CNTNAP5: variants seen among roughly 807,000 people sequenced by gnomAD.
The protein encoded by CNTNAP5 is contactin associated protein family member 5, also known as contactin-associated protein-like 5.
In CNTNAP5, 72 loss-of-function variants were observed where a neutral mutation model predicts 150.2. The ratio of observed to expected loss-of-function variants is 0.48; its 90% CI spans 0.40 to 0.58. The LOEUF (loss-of-function observed/expected upper bound fraction) is 0.58, where lower values mean the gene tolerates loss of function less well. Among genes scored for constraint, CNTNAP5 ranks in the 20% least tolerant of loss-of-function variants. The pLI, the probability that CNTNAP5 is intolerant of heterozygous loss-of-function variation, is 0.00. For missense variants in CNTNAP5, 1,636 were observed against 1,626.2 expected (o/e 1.01, Z -0.10); for synonymous variants, 672 against 619.8 (o/e 1.08, Z -1.25).
At chr2:124,296,384 C>A (rs1181090151) in intron 3 of CNTNAP5, among the ~76,000 whole-genome samples, 3 of 152,180 alleles carry the variant, frequency 2.0e-5, no homozygotes, top group African/African-American at 4.8e-5. Context: ...CCGCAAATGG[C>A]CCACAGCACA....
At chr2:124,670,803 C>G (rs183079398) in intron 13 of CNTNAP5, among the ~76,000 whole-genome samples, 2 of 152,290 alleles carry the variant, frequency 1.3e-5, no homozygotes, top group South Asian at 2.1e-4. Context: ...TCTTAGCAAG[C>G]TTTATTTCTG....
chr2:124,610,013 A>G, intron 12 of CNTNAP5, 93 bp downstream of exon 12: 1 of 1,404,048 alleles, frequency 7.1e-7, no homozygotes, highest in South Asian at 1.5e-5. Context: ...CTACGTGAAT[A>G]AAAATTTGAA....
chr2:124,912,779 A>AC lies in CNTNAP5; in HGVS notation c.3727+1246dup, dbSNP rs1247681205. 2.0e-5 allele frequency among the ~76,000 whole-genome samples: 3 copies of AC among 151,810 alleles called. No homozygotes were observed. The South Asian group carries it at 6.2e-4, about 32-fold the overall frequency. ...TCTTTAAGGACAGGGAAGTCATCTGACCCCCTAGGAAAATTCCTGGAGGCT... is the reference window on the plus strand; with the variant it reads ...TCTTTAAGGACAGGGAAGTCATCTGACCCCCCTAGGAAAATTCCTGGAGGCT... On this transcript the variant is annotated intron_variant, in intron 23 of 23. Coordinates refer to ENST00000682447, the MANE Select transcript of CNTNAP5 (RefSeq NM_001367498.1).
At chr2:124,271,693 CTATCTATCATCTATCT>C (rs1687761083) in intron 3 of CNTNAP5, among the ~76,000 whole-genome samples, 1 of 117,258 alleles carries the variant, frequency 8.5e-6, no homozygotes, top group Middle Eastern at 4.3e-3. Flanking sequence ...ATCTATCTAT[CTATCTATCATCTATCT>C]ATCTATCTAT....
chr2:124,346,823 C>A (rs915270533), intron 3 of CNTNAP5, among the ~76,000 whole-genome samples: 1 of 150,404 alleles, frequency 6.6e-6, no homozygotes, highest in Non-Finnish European at 1.5e-5. Context: ...GTAATCCCAG[C>A]ACTTTGTGAG....
intron 17 of CNTNAP5, among the ~76,000 whole-genome samples, chr2:124,780,950 C>A (rs1337475217): frequency 4.6e-5 from 7 of 152,164 alleles, no homozygotes; most frequent in African/African-American, 1.7e-4. Context: ...TCTTCATTCT[C>A]CCAGGGATCA....
chr2:124,499,303 C>T (rs1176566965), intron 7 of CNTNAP5, among the ~76,000 whole-genome samples: 1 of 152,130 alleles, frequency 6.6e-6, no homozygotes, highest in African/African-American at 2.4e-5. Context: ...CTAATTATTA[C>T]AAGGCAGTAT....
chr2:124,658,123 T>G (rs889441666), intron 13 of CNTNAP5, among the ~76,000 whole-genome samples: 2 of 152,190 alleles, frequency 1.3e-5, no homozygotes, highest in Non-Finnish European at 2.9e-5. Flanking sequence ...CAGTAGTAAG[T>G]ATCACCAGTA....
At chr2:124,461,254 A>G (rs970714413) in intron 6 of CNTNAP5, among the ~76,000 whole-genome samples, 2 of 152,108 alleles carry the variant, frequency 1.3e-5, no homozygotes, top group Non-Finnish European at 1.5e-5. Context: ...ACTATTCACA[A>G]TAGCAAAGAC....
intron 3 of CNTNAP5, among the ~76,000 whole-genome samples, chr2:124,353,006 G>A (rs982605636): frequency 3.3e-5 from 5 of 152,156 alleles, no homozygotes; most frequent in Admixed American, 3.3e-4. Context: ...AGATCTCAAA[G>A]AGAAAACAAT....
At chr2:124,511,808 T>G (rs1694597548) in intron 8 of CNTNAP5, among the ~76,000 whole-genome samples, 1 of 152,278 alleles carries the variant, frequency 6.6e-6, no homozygotes, top group East Asian at 1.9e-4. Context: ...AAAAGTAAAC[T>G]TAGCCTATTT....
chr2:124,564,231 C>T (rs1424403949), intron 11 of CNTNAP5, among the ~76,000 whole-genome samples: 1 of 151,954 alleles, frequency 6.6e-6, no homozygotes, highest in Non-Finnish European at 1.5e-5. Flanking sequence ...CTGGAGGGTG[C>T]TGAAGGTGAG....
intron 8 of CNTNAP5, among the ~76,000 whole-genome samples, chr2:124,512,678 A>AATTCC (rs1376656318): frequency 6.6e-6 from 1 of 152,190 alleles, no homozygotes; most frequent in African/African-American, 2.4e-5. Context: ...CTCTTTCGAT[A>AATTCC]ATTCCTTGAA....
intron 11 of CNTNAP5, among the ~76,000 whole-genome samples, chr2:124,600,762 AG>A (rs1696968972): frequency 1.8e-5 from 2 of 113,814 alleles, no homozygotes; most frequent in Non-Finnish European, 4.0e-5. Flanking sequence ...AGAGAGAGAG[AG>A]AGAGAAAGAG....
intron 19 of CNTNAP5, among the ~76,000 whole-genome samples, chr2:124,804,522 A>G (rs1682040788): frequency 6.6e-6 from 1 of 152,170 alleles, no homozygotes; most frequent in Non-Finnish European, 1.5e-5. Flanking sequence ...GTAACAGGGT[A>G]ATTAGGTTAA....
intron 3 of CNTNAP5, among the ~76,000 whole-genome samples, chr2:124,322,448 C>T (rs1689123987): frequency 1.3e-5 from 2 of 151,842 alleles, no homozygotes; most frequent in Admixed American, 6.6e-5. Context: ...CTCAAGTTAA[C>T]CTAAGAAATT....
At chr2:124,884,006 C>T (rs974649409) in intron 21 of CNTNAP5, among the ~76,000 whole-genome samples, 2 of 151,992 alleles carry the variant, frequency 1.3e-5, no homozygotes, top group Admixed American at 6.6e-5. Flanking sequence ...CATGCATGCC[C>T]ATGCACGTGC....
At chr2:124,372,367 T>G (rs1178785986) in intron 3 of CNTNAP5, among the ~76,000 whole-genome samples, 1 of 152,074 alleles carries the variant, frequency 6.6e-6, no homozygotes, top group African/African-American at 2.4e-5. Flanking sequence ...CCGCCTATGG[T>G]GGGACTTTGC....
intron 13 of CNTNAP5, among the ~76,000 whole-genome samples, chr2:124,686,732 A>G (rs149951874): frequency 3.2e-4 from 49 of 152,242 alleles, no homozygotes; most frequent in Non-Finnish European, 5.9e-4. Flanking sequence ...GCCACAGCAT[A>G]TTTGGGGTGG....
Sources: gnomAD v4.1 joint callset for allele counts (sites outside exome capture counted in the v4.1 genomes callset) on GRCh38, gnomAD v4.1.1 for gene constraint, MANE v1.5 for transcripts, NCBI Gene and HGNC (gene_info 2026-07-23, HGNC 2026-07-21) for gene names.